The following SESN3 variants were observed in gnomAD, a reference collection of about 807,000 sequenced individuals.
SESN3 encodes sestrin 3.
A neutral mutation model predicts 55.3 loss-of-function variants in SESN3; 21 were observed. The ratio of observed to expected loss-of-function variants is 0.38; its 90% CI spans 0.27 to 0.55. The LOEUF (loss-of-function observed/expected upper bound fraction) is 0.55, where lower values mean the gene tolerates loss of function less well. SESN3 is among the 20% of genes least tolerant of loss of function. The probability of loss-of-function intolerance (pLI) is 0.76; values close to 1 mark genes in which losing one functional copy is unlikely to be tolerated. For missense variants in SESN3, 408 were observed against 604.3 expected (o/e 0.68, Z 3.41); for synonymous variants, 181 against 203.1 (o/e 0.89, Z 0.93).
chr11:95,181,985 G>A (rs1860066979), intron 6 of SESN3, among the ~76,000 whole-genome samples: 1 of 151,984 alleles, frequency 6.6e-6, no homozygotes, highest in African/African-American at 2.4e-5. Flanking sequence ...TATGTATGCG[G>A]AGGGGTATAT....
chr11:95,230,703 G>T lies in SESN3; in HGVS notation c.78+80C>A. ...GGGATCCCTCTCAGCCTCCCCCAGT[G>T]CGCGCCCGGGGACGAGCCGCCCGAG... On this transcript the variant is annotated intron_variant, in intron 1 of 9. Transcript: ENST00000536441. This position sits in a 1 kb window ranked among gnomAD's most constrained non-coding sequence, Gnocchi z 4.6. 1.9e-6 allele frequency: 2 copies of T among 1,049,862 alleles called. No individual in the cohort carries two copies. The highest frequency in any genetic ancestry group is 2.8e-6 in the Non-Finnish European group (2 of 703,828). The allele number at this position is 1,049,862 out of a possible 1,614,324, so 65.0% of individuals were successfully genotyped here. A position where few individuals can be genotyped will look rare whatever the true frequency, so the allele number is the denominator to read the frequency against.
At chr11:95,189,498 T>C (rs1386010182) in intron 4 of SESN3, among the ~76,000 whole-genome samples, 1 of 151,934 alleles carries the variant, frequency 6.6e-6, no homozygotes, top group African/African-American at 2.4e-5. Context: ...ACAGACTAGA[T>C]CCCAGGCATC....
At position 95,173,120 on chromosome 11, in the gene SESN3, A is replaced by AAAC. The variant is rs199555368; in HGVS notation, c.*134_*135insGTT. On this transcript the variant is annotated 3_prime_UTR_variant, in exon 10 of 10. Transcript: ENST00000536441. ...TTGCACATTACAGCCGCAAAAAACA[A>AAAC]AAAAAAAAAAACAAACGGCTAAACT... 6,609 of 474,240 alleles carry AAAC rather than the reference A, an allele frequency of 0.014. 24 individuals are homozygous for AAAC. The highest frequency in any genetic ancestry group is 0.018 in the Non-Finnish European group (4,786 of 263,990). The allele number at this position is 474,240 out of a possible 1,614,324, so 29.4% of individuals were successfully genotyped here.
chr11:95,178,926 G>C, intron 6 of SESN3, 98 bp from the exon 7 acceptor site: 1 of 661,434 alleles, frequency 1.5e-6, no homozygotes, highest in East Asian at 2.6e-5. Flanking sequence ...GCTTTTCCAT[G>C]GATTTCTAAA....
intron 6 of SESN3, among the ~76,000 whole-genome samples, chr11:95,180,848 T>C (rs1254058358): frequency 1.3e-5 from 2 of 152,124 alleles, no homozygotes; most frequent in Non-Finnish European, 2.9e-5. Context: ...CAGCACTCTA[T>C]TCAGGTCAAC....
Position 95,172,936 on chromosome 11 carries a change from C to A in SESN3, c.*319G>T. 2 of 234,438 alleles carry A rather than the reference C, an allele frequency of 8.5e-6. No homozygotes were observed. Among genetic ancestry groups the A allele is most frequent in the Non-Finnish European group, 8.3e-6 (1 of 120,752 alleles). 14.5% of individuals were successfully genotyped at this position (234,438 alleles called of 1,614,324 possible). ...TGGGGGGAGAAAAAATACACATACA[C>A]ACAACCCAAAGGCGCTGAAGTTAAG... On this transcript the variant is annotated 3_prime_UTR_variant, in exon 10 of 10. Transcript: ENST00000536441.
rs533158997 is a variant in SESN3, at chr11:95,223,331, T to C, written c.78+7452A>G. On this transcript the variant is annotated intron_variant, in intron 1 of 9. Coordinates refer to ENST00000536441, the MANE Select transcript of SESN3 (RefSeq NM_144665.4). ...CCTTCTGCTGCTGCTTCCCCCACAC[T>C]TCTCAGCTTTCAAGCCAAACAGACT... 1.1e-4 allele frequency among the ~76,000 whole-genome samples: 17 copies of C among 152,300 alleles called. No individual in the cohort carries two copies. In the South Asian group the frequency reaches 3.3e-3, roughly 30 times the overall value.
chr11:95,194,149 A>C (rs552687740), intron 1 of SESN3, among the ~76,000 whole-genome samples: 1 of 151,916 alleles, frequency 6.6e-6, no homozygotes, highest in South Asian at 2.1e-4. Context: ...TTTTTTTTTA[A>C]GTTTTTAAAA....
At chr11:95,199,081 AG>A (rs1209908961) in intron 1 of SESN3, among the ~76,000 whole-genome samples, 2 of 152,134 alleles carry the variant, frequency 1.3e-5, no homozygotes, top group East Asian at 3.8e-4. Context: ...CTAACTAAAA[AG>A]AATGAAAGAA....
chr11:95,184,466 ACTTT>A lies in SESN3; in HGVS notation c.887_890del (p.Glu296ValfsTer22). ...AAGTATCTCCAGAGACCACAAAAAG[ACTTT>A]CTTTCTTCTCCTTTTCAAAACGAGT... is the stretch of plus-strand genomic sequence containing the variant. On this transcript the variant is annotated frameshift_variant, in exon 6 of 10. Transcript: ENST00000536441. LOFTEE classifies it high-confidence loss of function. 1.2e-6 allele frequency: 2 copies of A among 1,613,600 alleles called. No individual in the cohort carries two copies. Among genetic ancestry groups the A allele is most frequent in the Non-Finnish European group, 1.7e-6 (2 of 1,179,800 alleles).
chr11:95,184,378 G>A (rs1182451802), intron 6 of SESN3, 42 bp downstream of exon 6: 7 of 1,571,650 alleles, frequency 4.5e-6, no homozygotes, highest in Non-Finnish European at 6.1e-6. Flanking sequence ...CCCTGTCAGG[G>A]TTCTAAGAAC....
At chr11:95,210,654 T>G (rs1226434776) in intron 1 of SESN3, among the ~76,000 whole-genome samples, 1 of 152,224 alleles carries the variant, frequency 6.6e-6, no homozygotes, top group Non-Finnish European at 1.5e-5. Flanking sequence ...ACAGCAGAAC[T>G]GTGAGCATTT....
chr11:95,198,451 G>A (rs974190963), intron 1 of SESN3, among the ~76,000 whole-genome samples: 15 of 151,682 alleles, frequency 9.9e-5, no homozygotes, highest in African/African-American at 3.6e-4. Context: ...GTGAAAATAT[G>A]CAGTGGCTGC....
intron 5 of SESN3, 97 bp downstream of exon 5, chr11:95,185,159 A>G (rs1860139025): frequency 1.4e-6 from 1 of 702,906 alleles, no homozygotes; most frequent in African/African-American, 1.8e-5. Context: ...TTAAGTATAT[A>G]ATATCCTATC....
At chr11:95,221,582 T>C (rs564940341) in intron 1 of SESN3, among the ~76,000 whole-genome samples, 95 of 152,306 alleles carry the variant, frequency 6.2e-4, no homozygotes, top group African/African-American at 2.2e-3. Context: ...CTAAAATACA[T>C]ATTTTATACT....
At position 95,167,475 on chromosome 11, in the gene SESN3, C is replaced by CCATATATATATATATATAT. The variant is rs563322416; in HGVS notation, c.*5779_*5780insATATATATATATATATATG. ...TCAGATATTCATTCTGTTTCCCCCC[C>CCATATATATATATATATAT]ATATATATAATTTTTCATTCTGTAC... is the stretch of plus-strand genomic sequence containing the variant. On this transcript the variant is annotated 3_prime_UTR_variant, in exon 10 of 10. Coordinates refer to ENST00000536441, the MANE Select transcript of SESN3 (RefSeq NM_144665.4). 1.3e-5 allele frequency: 2 copies of CCATATATATATATATATAT among 150,824 alleles called. No individual in the cohort carries two copies. Among genetic ancestry groups the CCATATATATATATATATAT allele is most frequent in the African/African-American group, 2.5e-5 (1 of 40,224 alleles). 9.3% of individuals were successfully genotyped at this position (150,824 alleles called of 1,614,324 possible).
In SESN3 at chr11:95,169,254, A is replaced by G. The variant is rs1396183526; in HGVS notation, c.*4001T>C. 1 of 152,222 alleles carries G rather than the reference A, an allele frequency of 6.6e-6. No homozygotes were observed. Among genetic ancestry groups the G allele is most frequent in the East Asian group, 1.9e-4 (1 of 5,198 alleles). The allele number at this position is 152,222 out of a possible 1,614,324, so 9.4% of individuals were successfully genotyped here. On this transcript the variant is annotated 3_prime_UTR_variant, in exon 10 of 10. Coordinates refer to ENST00000536441, the MANE Select transcript of SESN3 (RefSeq NM_144665.4). ...AGAAAGACTATTTAATTTGATTCTC[A>G]GTCTCCAGAGGGATATAATAGGGAA...
intron 1 of SESN3, among the ~76,000 whole-genome samples, chr11:95,219,757 A>ATTTT (rs34154515): frequency 1.3e-5 from 2 of 150,162 alleles, no homozygotes; most frequent in Admixed American, 6.6e-5. Flanking sequence ...ATTGAAAAAT[A>ATTTT]TTTTTTTTTT....
chr11:95,192,619 G>A (rs564078957), intron 2 of SESN3, among the ~76,000 whole-genome samples: 17 of 152,128 alleles, frequency 1.1e-4, no homozygotes, highest in East Asian at 3.9e-4. Flanking sequence ...AGCTGGCTTC[G>A]CAGTCTGAAA....
Sources: allele counts gnomAD v4.1 joint callset (sites outside exome capture counted in the v4.1 genomes callset), GRCh38; gene constraint gnomAD v4.1.1; non-coding constraint Gnocchi (gnomAD v3.1); transcripts MANE v1.5; gene names NCBI Gene and HGNC (gene_info 2026-07-23, HGNC 2026-07-21).